The following NBAS variants were observed in gnomAD, a reference collection of about 807,000 sequenced individuals.
NBAS encodes the protein NBAS subunit of NRZ tethering complex.
In NBAS, 219 loss-of-function variants were observed where a neutral mutation model predicts 302.5. That is an observed-to-expected ratio of 0.72 (90% CI 0.65 to 0.81). The LOEUF (loss-of-function observed/expected upper bound fraction) is 0.81, where lower values mean the gene tolerates loss of function less well. Among genes scored for constraint, NBAS ranks in the 30% least tolerant of loss-of-function variants. The probability of loss-of-function intolerance (pLI) is 0.00; values close to 1 mark genes in which losing one functional copy is unlikely to be tolerated. For missense variants in NBAS, 2,932 were observed against 2,841.6 expected (o/e 1.03, Z -0.72); for synonymous variants, 1,118 against 1,021.6 (o/e 1.09, Z -1.80).
chr2:14,789,166 G>A, the NBAS span, among the ~76,000 whole-genome samples: 7 of 152,180 alleles, frequency 4.6e-5, no homozygotes, highest in South Asian at 2.1e-4. Context: ...CTGGTGTGCC[G>A]TTTTTTAAGC....
intron 6 of NBAS, among the ~76,000 whole-genome samples, chr2:15,547,053 C>T (rs539699621): frequency 2.0e-5 from 3 of 152,320 alleles, no homozygotes; most frequent in East Asian, 1.9e-4. Flanking sequence ...ACTCTAATTT[C>T]GTGTGCTATT....
At chr2:15,355,732 G>C (rs947088875) in intron 33 of NBAS, among the ~76,000 whole-genome samples, 8 of 152,270 alleles carry the variant, frequency 5.3e-5, no homozygotes, top group African/African-American at 1.9e-4. Context: ...AATCCAGCCA[G>C]TTAAGCCTCC....
intron 48 of NBAS, among the ~76,000 whole-genome samples, chr2:15,203,417 T>C (rs1028373747): frequency 3.3e-5 from 5 of 152,206 alleles, no homozygotes; most frequent in African/African-American, 4.8e-5. Flanking sequence ...ACATGGAGCA[T>C]GTAGTATCTT....
intron 11 of NBAS, 87 bp downstream of exon 11, chr2:15,504,058 T>A: frequency 9.7e-7 from 1 of 1,032,856 alleles, no homozygotes. Flanking sequence ...ATACAAAAAA[T>A]TCGAGGTTCA....
chr2:14,958,409 C>T, the NBAS span, among the ~76,000 whole-genome samples: 1 of 152,204 alleles, frequency 6.6e-6, no homozygotes, highest in African/African-American at 2.4e-5. Flanking sequence ...AGAGAAAATG[C>T]TAAGGGGCAC....
At chr2:14,957,594 C>T in the NBAS span, among the ~76,000 whole-genome samples, 2 of 152,122 alleles carry the variant, frequency 1.3e-5, no homozygotes, top group Non-Finnish European at 2.9e-5. Flanking sequence ...GGGAAGGTTC[C>T]TACCCACCTT....
the NBAS span, among the ~76,000 whole-genome samples, chr2:14,908,116 C>A: frequency 6.6e-6 from 1 of 152,204 alleles, no homozygotes; most frequent in Admixed American, 6.5e-5. Context: ...GTAATCCCAG[C>A]ACTTTGGGAG....
At chr2:15,103,092 C>T in the NBAS span, among the ~76,000 whole-genome samples, 6 of 151,870 alleles carry the variant, frequency 4.0e-5, no homozygotes, top group African/African-American at 1.5e-4. Flanking sequence ...TTTGCCTATC[C>T]AGCCAGTTAA....
chr2:15,211,137 T>C (rs1666389506), intron 48 of NBAS, among the ~76,000 whole-genome samples: 1 of 152,208 alleles, frequency 6.6e-6, no homozygotes, highest in Non-Finnish European at 1.5e-5. Flanking sequence ...TTAGATTGTT[T>C]GTAACACAAA....
At chr2:15,398,949 G>T (rs1676009617) in intron 26 of NBAS, among the ~76,000 whole-genome samples, 1 of 152,198 alleles carries the variant, frequency 6.6e-6, no homozygotes, top group South Asian at 2.1e-4. Context: ...AAAGCTTTTG[G>T]CTATGTATAC....
At chr2:15,424,534 G>C in intron 22 of NBAS, 66 bp from the exon 23 acceptor site, 3 of 1,567,072 alleles carry the variant, frequency 1.9e-6, no homozygotes, top group Non-Finnish European at 2.6e-6. Flanking sequence ...AATTTTGTGA[G>C]AGAAAGACAG....
intron 48 of NBAS, among the ~76,000 whole-genome samples, chr2:15,203,881 T>A (rs1344887506): frequency 8.0e-6 from 1 of 125,186 alleles, no homozygotes; most frequent in African/African-American, 3.1e-5. Flanking sequence ...TGTGTGTGTG[T>A]GTGTGTGCTT....
chr2:15,495,631 G>A (rs1168839239), intron 11 of NBAS, among the ~76,000 whole-genome samples: 1 of 152,134 alleles, frequency 6.6e-6, no homozygotes, highest in African/African-American at 2.4e-5. Flanking sequence ...GCTTGTGGAG[G>A]GAGGGCGGGA....
intron 10 of NBAS, among the ~76,000 whole-genome samples, chr2:15,505,777 G>A (rs1216802308): frequency 4.6e-5 from 7 of 152,076 alleles, no homozygotes; most frequent in African/African-American, 1.2e-4. Context: ...CGAAGCAAAA[G>A]AAAACTTTAA....
chr2:15,283,076 T>G (rs565456907), intron 42 of NBAS, among the ~76,000 whole-genome samples: 175 of 152,236 alleles, frequency 1.1e-3, no homozygotes, highest in African/African-American at 4.0e-3. Flanking sequence ...TATTAGAATA[T>G]AAGCTCCATT....
chr2:14,910,058 A>T, the NBAS span, among the ~76,000 whole-genome samples: 5 of 152,182 alleles, frequency 3.3e-5, no homozygotes, highest in Non-Finnish European at 7.3e-5. Flanking sequence ...ATCTCCACAG[A>T]TAATCAGTTT....
At chr2:15,060,126 G>A in the NBAS span, among the ~76,000 whole-genome samples, 1 of 152,138 alleles carries the variant, frequency 6.6e-6, no homozygotes, top group African/African-American at 2.4e-5. Flanking sequence ...CCTCTGCTCA[G>A]TCATCTATAA....
At chr2:15,032,254 T>TA in the NBAS span, among the ~76,000 whole-genome samples, 1 of 152,230 alleles carries the variant, frequency 6.6e-6, no homozygotes, top group Non-Finnish European at 1.5e-5. Context: ...TGAGGTAATG[T>TA]ACTGAGACTG....
chr2:15,007,635 C>T, the NBAS span, among the ~76,000 whole-genome samples: 1 of 152,170 alleles, frequency 6.6e-6, no homozygotes, highest in Admixed American at 6.5e-5. Context: ...CTTCTAATCT[C>T]ATCAGATTGT....
Sources: gnomAD v4.1 joint callset for allele counts (sites outside exome capture counted in the v4.1 genomes callset) on GRCh38, gnomAD v4.1.1 for gene constraint, MANE v1.5 for transcripts, NCBI Gene and HGNC (gene_info 2026-07-23, HGNC 2026-07-21) for gene names.